Variants in PCDH11X observed in about 807,000 individuals in gnomAD.
PCDH11X encodes the protein protocadherin 11 X-linked.
PCDH11X carries 18 observed loss-of-function variants against 53.3 expected under a neutral mutation model. The observed-to-expected ratio is 0.34, with a 90% confidence interval of 0.23 to 0.50. The LOEUF (loss-of-function observed/expected upper bound fraction) is 0.50. Ranked by LOEUF, PCDH11X falls within the 20% of genes least tolerant of loss-of-function variation. The pLI, the probability that PCDH11X is intolerant of heterozygous loss-of-function variation, is 0.98. For synonymous variants in PCDH11X, 279 were observed against 393.3 expected (o/e 0.71, Z 3.44); for missense variants, 570 against 1,032.4 (o/e 0.55, Z 6.14).
chrX:92,572,294 T>A lies in PCDH11X; in HGVS notation c.3368-45970T>A, dbSNP rs1049360384. On this transcript the variant is annotated intron_variant, in intron 10 of 10. Transcript: ENST00000682573. ...TAGTAGGCACGTCTTATGTAATGGA[T>A]GTGAGCAGCGGAAAACTAGTAAATA... Among the ~76,000 whole-genome samples the A allele has an allele frequency of 6.4e-5, 7 of 110,034 alleles. No homozygotes were observed. In the Admixed American group the frequency reaches 6.9e-4, roughly 11 times the overall value.
At chrX:91,850,758 G>A (rs539501500) in intron 5 of PCDH11X, among the ~76,000 whole-genome samples, 7 of 109,930 alleles carry the variant, frequency 6.4e-5, no homozygotes, top group African/African-American at 2.3e-4. Flanking sequence ...GGCTGCTCAC[G>A]GATTGAAAAC....
At chrX:91,882,025 G>A (rs923391757) in intron 6 of PCDH11X, among the ~76,000 whole-genome samples, 8 of 109,703 alleles carry the variant, frequency 7.3e-5, no homozygotes, top group Non-Finnish European at 1.5e-4. Context: ...GTTTTATAAA[G>A]GGAATCAAAT....
At chrX:92,479,752 G>A (rs2073462749) in intron 10 of PCDH11X, among the ~76,000 whole-genome samples, 1 of 106,047 alleles carries the variant, frequency 9.4e-6, no homozygotes, top group African/African-American at 3.4e-5. Context: ...CTCTTTTTAG[G>A]TGACCTGACT....
At chrX:92,267,687 G>A (rs1451627121) in intron 8 of PCDH11X, among the ~76,000 whole-genome samples, 1 of 112,669 alleles carries the variant, frequency 8.9e-6, no homozygotes, top group African/African-American at 3.2e-5. Flanking sequence ...TTTGAATGCA[G>A]AATGGCACTA....
intron 9 of PCDH11X, among the ~76,000 whole-genome samples, chrX:92,404,564 C>A (rs1376405536): frequency 1.8e-5 from 2 of 109,477 alleles, no homozygotes; most frequent in African/African-American, 6.6e-5. Context: ...CCTTACTGTA[C>A]CTTCAAGTTT....
chrX:92,401,295 A>T (rs2071383048), intron 9 of PCDH11X, among the ~76,000 whole-genome samples: 1 of 109,224 alleles, frequency 9.2e-6, no homozygotes, highest in Admixed American at 1.0e-4. Context: ...AGGAATATTG[A>T]ATATATTGAA....
chrX:92,401,074 G>A (rs2071377785), intron 9 of PCDH11X, among the ~76,000 whole-genome samples: 1 of 106,116 alleles, frequency 9.4e-6, no homozygotes, highest in African/African-American at 3.5e-5. Context: ...ACCATCCAAA[G>A]TTTCCCCAGA....
At chrX:91,934,228 G>A (rs1019549436) in intron 6 of PCDH11X, among the ~76,000 whole-genome samples, 6 of 110,082 alleles carry the variant, frequency 5.5e-5, no homozygotes, top group Middle Eastern at 4.6e-3. Flanking sequence ...TATTGTAGAA[G>A]AATTTCACGG....
At chrX:92,267,557 T>C (rs1398890032) in intron 8 of PCDH11X, among the ~76,000 whole-genome samples, 1 of 112,254 alleles carries the variant, frequency 8.9e-6, no homozygotes, top group African/African-American at 3.2e-5. Flanking sequence ...CCAACATGTA[T>C]TAAAATACCC....
chrX:92,497,560 G>A (rs1466449049), intron 10 of PCDH11X, among the ~76,000 whole-genome samples: 1 of 110,358 alleles, frequency 9.1e-6, no homozygotes, highest in Non-Finnish European at 1.9e-5. Context: ...AACTTTTAAA[G>A]TACAGAGTAT....
intron 4 of PCDH11X, among the ~76,000 whole-genome samples, chrX:91,819,217 T>C (rs1164201930): frequency 3.7e-5 from 4 of 109,008 alleles, no homozygotes; most frequent in African/African-American, 1.3e-4. Context: ...TAATGATAAA[T>C]CATTTTTCAT....
chrX:92,051,637 TAG>T (rs1237873658), intron 6 of PCDH11X, among the ~76,000 whole-genome samples: 6 of 111,678 alleles, frequency 5.4e-5, no homozygotes, highest in Admixed American at 9.5e-5. Context: ...TGAGAGTGTA[TAG>T]AGTTTCATCA....
intron 6 of PCDH11X, among the ~76,000 whole-genome samples, chrX:92,101,255 G>T (rs1212908985): frequency 1.4e-4 from 16 of 110,777 alleles, no homozygotes; most frequent in Non-Finnish European, 2.8e-4. Context: ...GGGATGACAA[G>T]TTTTTTTTGG....
intron 6 of PCDH11X, among the ~76,000 whole-genome samples, chrX:92,058,504 T>C (rs1460122671): frequency 8.9e-6 from 1 of 111,887 alleles, no homozygotes; most frequent in Non-Finnish European, 1.9e-5. Context: ...AAATCAATTA[T>C]ATATATGTAA....
rs78831991 is a variant in PCDH11X, at chrX:92,186,710, A to C, written c.3034-14665A>C. Among the ~76,000 whole-genome samples the C allele has an allele frequency of 8.0e-3, 890 of 110,564 alleles. 13 individuals carry two copies. Among genetic ancestry groups the C allele is most frequent in the African/African-American group, 0.028 (850 of 30,342 alleles). ...GGAGTATAGCCAGAGGTTGGTTAAC[A>C]GACACAAAATTACAGATAGATAGGA... On this transcript the variant is annotated intron_variant, in intron 6 of 10. Transcript: ENST00000682573.
At position 92,558,212 on chromosome X, in the gene PCDH11X, T is replaced by C. The variant is rs767086207; in HGVS notation, c.3368-60052T>C. Among the ~76,000 whole-genome samples the C allele has an allele frequency of 9.8e-4, 107 of 109,688 alleles. 1 individual carries two copies. Among genetic ancestry groups the C allele is most frequent in the African/African-American group, 3.4e-3 (103 of 30,208 alleles). On this transcript the variant is annotated intron_variant, in intron 10 of 10. Transcript: ENST00000682573. ...GACTCAGTATTTGAATATGCAGCAT[T>C]CAAAACATCACAATTTAATCTTGAC...
At chrX:92,159,293 C>T (rs1236459222) in intron 6 of PCDH11X, among the ~76,000 whole-genome samples, 1 of 109,405 alleles carries the variant, frequency 9.1e-6, no homozygotes, top group Non-Finnish European at 1.9e-5. Context: ...TTGCTGTGTT[C>T]TCTCTCATGT....
intron 8 of PCDH11X, among the ~76,000 whole-genome samples, chrX:92,271,507 G>T (rs973992828): frequency 8.9e-6 from 1 of 111,981 alleles, no homozygotes. Flanking sequence ...TTTTGGAGGG[G>T]TTTAAGTACC....
intron 9 of PCDH11X, among the ~76,000 whole-genome samples, chrX:92,446,404 G>T (rs2072646499): frequency 9.0e-6 from 1 of 111,100 alleles, no homozygotes; most frequent in African/African-American, 3.3e-5. Flanking sequence ...ATTCCCAAAT[G>T]CTGTGGGAGG....
Sources: gnomAD v4.1 joint callset for allele counts (sites outside exome capture counted in the v4.1 genomes callset) on GRCh38, gnomAD v4.1.1 for gene constraint, MANE v1.5 for transcripts, NCBI Gene and HGNC (gene_info 2026-07-23, HGNC 2026-07-21) for gene names.